ZNF655: variants seen among roughly 807,000 people sequenced by gnomAD.
ZNF655 encodes zinc finger protein 655, also known as Vav-interacting Kruppel-like protein 1.
In ZNF655, 3 loss-of-function variants were observed where a neutral mutation model predicts 6.6. The ratio of observed to expected loss-of-function variants is 0.46; its 90% CI spans 0.21 to 1.18. The LOEUF is 1.18. Among genes scored for constraint, ZNF655 ranks in the 50% most tolerant of loss-of-function variants. ZNF655 has a pLI of 0.24. For synonymous variants in ZNF655, 178 were observed against 195.0 expected, an observed-to-expected ratio of 0.91 and a Z score of 0.73; for missense variants, 526 against 572.3, an observed-to-expected ratio of 0.92 and a Z score of 0.83.
At chr7:99,564,696 C>T (rs1161904967) in intron 2 of ZNF655, 2 of 984,848 alleles carry the variant, frequency 2.0e-6, no homozygotes, top group South Asian at 4.7e-5. Flanking sequence ...ACAGAGTTTC[C>T]AACAGTTAAC....
chr7:99,567,315 C>T (rs1562935269), intron 2 of ZNF655, among the ~76,000 whole-genome samples: 1 of 152,110 alleles, frequency 6.6e-6, no homozygotes. Context: ...AGGCGGATCA[C>T]CTGAGGTTGG....
chr7:99,562,905 C>T (rs1803316104), intron 2 of ZNF655, among the ~76,000 whole-genome samples: 1 of 152,150 alleles, frequency 6.6e-6, no homozygotes, highest in Non-Finnish European at 1.5e-5. Context: ...TGAAGAATTT[C>T]CCATTTTTCT....
intron 2 of ZNF655, among the ~76,000 whole-genome samples, chr7:99,562,791 G>A (rs368010466): frequency 1.3e-5 from 2 of 151,952 alleles, no homozygotes; most frequent in East Asian, 1.9e-4. Flanking sequence ...ATTTCTCACC[G>A]TTCTTTTCTT....
intron 2 of ZNF655, chr7:99,570,162 A>G (rs1803931182): frequency 6.6e-6 from 1 of 152,206 alleles, no homozygotes; most frequent in South Asian, 2.1e-4. Context: ...AGCAGCCAGA[A>G]TTTATTTCAG....
At chr7:99,565,544 T>C (rs1252114616) in intron 2 of ZNF655, among the ~76,000 whole-genome samples, 1 of 152,204 alleles carries the variant, frequency 6.6e-6, no homozygotes, top group Non-Finnish European at 1.5e-5. Flanking sequence ...GCAGTAAATA[T>C]ACAGAGTACA....
intron 2 of ZNF655, chr7:99,571,909 G>A: frequency 1.5e-6 from 1 of 670,966 alleles, no homozygotes. Context: ...AGCATGGAGA[G>A]TTCCTTCCTT....
chr7:99,572,006 T>C (rs117772680), intron 2 of ZNF655, among the ~76,000 whole-genome samples: 2,423 of 152,234 alleles, frequency 0.016, 26 homozygotes, highest in Middle Eastern at 0.061. Flanking sequence ...TTATCTAAAA[T>C]TCTTTCAGCT....
chr7:99,560,496 A>G, intron 1 of ZNF655, 37 bp from the exon 2 acceptor site: 1 of 1,572,776 alleles, frequency 6.4e-7, no homozygotes, highest in African/African-American at 1.3e-5. Flanking sequence ...AAATGCTTTA[A>G]CTTATTACAG....
At chr7:99,559,307 T>C (rs1802884637) in intron 1 of ZNF655, among the ~76,000 whole-genome samples, 2 of 152,192 alleles carry the variant, frequency 1.3e-5, no homozygotes, top group South Asian at 2.1e-4. Flanking sequence ...AGTGGAGTTT[T>C]ATTCGCCAAG....
At chr7:99,560,768 G>A (rs1803080892) in intron 2 of ZNF655, 73 bp downstream of exon 2, 1 of 1,563,284 alleles carries the variant, frequency 6.4e-7, no homozygotes, top group African/African-American at 1.4e-5. Flanking sequence ...TCCTGGGCCT[G>A]GTTTGAGAGA....
Position 99,572,828 on chromosome 7 carries a change from C to T in ZNF655, c.720C>T (p.Tyr240=). Residue 240 remains tyrosine (Y), a synonymous_variant, in exon 3 of 3, where the codon TAC becomes TAT. Transcript: ENST00000252713. ...GAATCCATACTAGAGAGAAGCCCTA[C>T]AAATGTAAAGAATGTGAAAAGTCTT... ...HQRIHTREKP[Y]KCKECEKSFS... is the part of the protein sequence containing the mutation. 1 of 1,614,010 alleles carries T rather than the reference C, an allele frequency of 6.2e-7. No individual in the cohort carries two copies. Among genetic ancestry groups the T allele is most frequent in the Non-Finnish European group, 8.5e-7 (1 of 1,179,970 alleles).
At chr7:99,564,648 A>G in intron 2 of ZNF655, 1 of 984,630 alleles carries the variant, frequency 1.0e-6, no homozygotes, top group Non-Finnish European at 1.2e-6. Context: ...AGTGACATAC[A>G]TATAATTGTA....
chr7:99,575,317 T>C lies in ZNF655; in HGVS notation c.*1733T>C, dbSNP rs1406424887. ...ACTTTGGGAGGCTGAGGCGGATGGATCACGAGGTCAGGCAGTCGAGACCAT... is the reference window on the plus strand; with the variant it reads ...ACTTTGGGAGGCTGAGGCGGATGGACCACGAGGTCAGGCAGTCGAGACCAT... On this transcript the variant is annotated 3_prime_UTR_variant, in exon 3 of 3. Transcript: ENST00000252713. 6.6e-6 allele frequency: 1 copy of C among 152,260 alleles called. No homozygotes were observed. Among genetic ancestry groups the C allele is most frequent in the Non-Finnish European group, 1.5e-5 (1 of 68,166 alleles). 9.4% of individuals were successfully genotyped at this position (152,260 alleles called of 1,614,324 possible).
intron 2 of ZNF655, chr7:99,562,458 G>A: frequency 6.2e-7 from 1 of 1,614,084 alleles, no homozygotes; most frequent in Non-Finnish European, 8.5e-7. Context: ...CTACAGAGAA[G>A]TGATGTTAGA....
At chr7:99,564,140 G>T in intron 2 of ZNF655, 1 of 1,490,998 alleles carries the variant, frequency 6.7e-7, no homozygotes. Flanking sequence ...AATTACCTCT[G>T]TTTAATTTCA....
chr7:99,573,574 A>G lies in ZNF655; in HGVS notation c.1466A>G (p.Glu489Gly), dbSNP rs1804239857. The G allele has an allele frequency of 1.2e-6, 2 of 1,600,202 alleles. No individual in the cohort carries two copies. Among genetic ancestry groups the G allele is most frequent in the Admixed American group, 1.7e-5 (1 of 59,634 alleles). The change falls in exon 3 of 3, where the codon GAG becomes GGG. Residue 489 changes from glutamate to glycine, a missense_variant. Coordinates refer to ENST00000252713, the MANE Select transcript of ZNF655 (RefSeq NM_138494.3). ...CAACATCAGAGCATTCATACCAAAG[A>G]GAACTCATGAATGTAATGAAGATGG... ...LVQHQSIHTK[E>G]NS
At chr7:99,569,039 C>A (rs184859795) in intron 2 of ZNF655, among the ~76,000 whole-genome samples, 1 of 152,150 alleles carries the variant, frequency 6.6e-6, no homozygotes, top group Non-Finnish European at 1.5e-5. Context: ...TCCGTCATGG[C>A]CTCCCAAAGT....
chr7:99,564,465 C>T (rs1174554409), intron 2 of ZNF655: 1 of 1,000,122 alleles, frequency 1.0e-6, no homozygotes, highest in Non-Finnish European at 1.2e-6. Flanking sequence ...AAGGTCCTAC[C>T]TTCCTACCCT....
At chr7:99,563,110 G>A in intron 2 of ZNF655, 1 of 428,308 alleles carries the variant, frequency 2.3e-6, no homozygotes, top group Non-Finnish European at 4.7e-6. Flanking sequence ...ACCCAGGGCA[G>A]CAGAAATCTC....
Sources: allele counts gnomAD v4.1 joint callset (sites outside exome capture counted in the v4.1 genomes callset), GRCh38; gene constraint gnomAD v4.1.1; transcripts MANE v1.5; gene names NCBI Gene and HGNC (gene_info 2026-07-23, HGNC 2026-07-21).